Variants in ZC3H3 observed in about 807,000 individuals in gnomAD.
The protein encoded by ZC3H3 is zinc finger CCCH-type containing 3.
A neutral mutation model predicts 77.3 loss-of-function variants in ZC3H3; 36 were observed. The observed-to-expected ratio is 0.47, with a 90% confidence interval of 0.36 to 0.61. The LOEUF is 0.61. Ranked by LOEUF, ZC3H3 falls within the 20% of genes least tolerant of loss-of-function variation. The probability of loss-of-function intolerance (pLI) is 0.00; values close to 1 mark genes in which losing one functional copy is unlikely to be tolerated. For synonymous variants in ZC3H3, 626 were observed against 555.2 expected (o/e 1.13, Z -1.79); for missense variants, 1,331 against 1,312.2 (o/e 1.01, Z -0.22).
At chr8:143,443,974 C>CTT (rs11316822) in intron 9 of ZC3H3, among the ~76,000 whole-genome samples, 4 of 137,742 alleles carry the variant, frequency 2.9e-5, no homozygotes, top group African/African-American at 5.4e-5. Flanking sequence ...TCTTTTTTTC[C>CTT]TTTTTTTTTT....
chr8:143,531,254 C>T (rs143440508), intron 3 of ZC3H3, among the ~76,000 whole-genome samples: 1 of 152,304 alleles, frequency 6.6e-6, no homozygotes, highest in Non-Finnish European at 1.5e-5. Flanking sequence ...CCTCGGCACC[C>T]GGCCAGTGTC....
intron 9 of ZC3H3, among the ~76,000 whole-genome samples, chr8:143,441,456 C>T (rs1284296748): frequency 6.6e-6 from 1 of 152,196 alleles, no homozygotes; most frequent in Admixed American, 6.5e-5. Context: ...CTGCCAGACC[C>T]CAGCCAGCCC....
At chr8:143,527,485 C>T (rs1427336330) in intron 3 of ZC3H3, among the ~76,000 whole-genome samples, 1 of 152,140 alleles carries the variant, frequency 6.6e-6, no homozygotes, top group African/African-American at 2.4e-5. Context: ...GGCACACACG[C>T]GATCCCACGC....
At position 143,475,445 on chromosome 8, in the gene ZC3H3, G is replaced by A. The variant is rs1820706222; in HGVS notation, c.1856C>T (p.Thr619Ile). 1 of 1,613,238 alleles carries A rather than the reference G, an allele frequency of 6.2e-7. No homozygotes were observed. Among genetic ancestry groups the A allele is most frequent in the Non-Finnish European group, 8.5e-7 (1 of 1,179,958 alleles). ...YKVSANKLSKTSGQPSDAGSR... is the reference protein window; with the variant it reads ...YKVSANKLSKISGQPSDAGSR... ...GCCCGCATCACTGGGCTGGCCGGAG[G>A]TCTTGGAGAGCTTGTTGGCAGATAC... Residue 619 changes from threonine to isoleucine, a missense_variant, in exon 5 of 12, where the codon ACC (threonine) becomes ATC (isoleucine). Around this residue, in one of 3 missense-constraint regions of ZC3H3, gnomAD observed 978 missense variants for 915.5 expected, o/e 1.07. Coordinates refer to ENST00000262577, the MANE Select transcript of ZC3H3 (RefSeq NM_015117.3).
At chr8:143,440,416 C>T (rs1388907977) in intron 10 of ZC3H3, 53 bp from the exon 11 acceptor site, 4 of 1,487,346 alleles carry the variant, frequency 2.7e-6, no homozygotes, top group Admixed American at 2.3e-5. Context: ...GTGGGGATCC[C>T]AGCGACAGAC....
chr8:143,515,022 C>T (rs1023212756), intron 3 of ZC3H3, among the ~76,000 whole-genome samples: 1 of 152,252 alleles, frequency 6.6e-6, no homozygotes, highest in African/African-American at 2.4e-5. Context: ...ACACCCCTCC[C>T]GTGAATGCTG....
intron 3 of ZC3H3, among the ~76,000 whole-genome samples, chr8:143,509,080 GT>G (rs1821796811): frequency 1.3e-5 from 2 of 152,150 alleles, no homozygotes; most frequent in African/African-American, 2.4e-5. Flanking sequence ...TCCCTCAGGC[GT>G]TCCCCCAGCA....
intron 3 of ZC3H3, among the ~76,000 whole-genome samples, chr8:143,531,020 T>C (rs1309341107): frequency 6.8e-6 from 1 of 147,840 alleles, no homozygotes; most frequent in East Asian, 2.0e-4. Context: ...AGTGCAGTGG[T>C]GCGATCATGG....
rs548967426 is a variant in ZC3H3 at position 143,460,335 on chromosome 8, C to T, written c.2307+5382G>A. 6.6e-6 allele frequency among the ~76,000 whole-genome samples: 1 copy of T among 151,956 alleles called. No homozygotes were observed. Among genetic ancestry groups the T allele is most frequent in the Non-Finnish European group, 1.5e-5 (1 of 68,002 alleles). ...AGGAAGAAGTAAAATTATCTGTTTG[C>T]TGATGACATGATCTTATATGTAAGA... On this transcript the variant is annotated intron_variant, in intron 9 of 11. Transcript: ENST00000262577. The surrounding 1 kb of genome is among the most constrained non-coding windows in gnomAD (Gnocchi z 4.0).
At chr8:143,464,644 G>A (rs1222512888) in intron 9 of ZC3H3, among the ~76,000 whole-genome samples, 2 of 152,224 alleles carry the variant, frequency 1.3e-5, no homozygotes, top group African/African-American at 2.4e-5. Flanking sequence ...GTCCTTGCGG[G>A]TGGGCTGAGA....
chr8:143,518,625 C>A (rs1822139865), intron 3 of ZC3H3, among the ~76,000 whole-genome samples: 1 of 152,262 alleles, frequency 6.6e-6, no homozygotes, highest in South Asian at 2.1e-4. Flanking sequence ...GTCGTGGATG[C>A]CAGGCACCAG....
chr8:143,479,160 G>A (rs189663139), intron 4 of ZC3H3, among the ~76,000 whole-genome samples: 269 of 152,342 alleles, frequency 1.8e-3, no homozygotes, highest in Admixed American at 2.3e-3. Flanking sequence ...GCAGGTTGGC[G>A]GGGGTGACGG....
rs531525158 is a variant in ZC3H3 at position 143,472,743 on chromosome 8, C to T, written c.1903+2655G>A. 4.0e-3 allele frequency among the ~76,000 whole-genome samples: 613 copies of T among 152,352 alleles called. 2 individuals carry two copies. The highest frequency in any genetic ancestry group is 5.9e-3 in the Non-Finnish European group (399 of 68,026). On this transcript the variant is annotated intron_variant, in intron 5 of 11. Transcript: ENST00000262577. ...GAGGGCTGAGACGACCCAAGGGCCC[C>T]GGTGCGGGGAGACGGACCCATGCCA...
At chr8:143,442,164 A>G (rs930030360) in intron 9 of ZC3H3, among the ~76,000 whole-genome samples, 1 of 151,872 alleles carries the variant, frequency 6.6e-6, no homozygotes, top group Non-Finnish European at 1.5e-5. Flanking sequence ...ACCGGGCCCT[A>G]CACTGTACCC....
intron 4 of ZC3H3, among the ~76,000 whole-genome samples, chr8:143,483,486 C>T (rs769513280): frequency 3.9e-5 from 6 of 152,146 alleles, no homozygotes; most frequent in Non-Finnish European, 8.8e-5. Flanking sequence ...TCCTGAGTTC[C>T]GGAGGAGGAA....
chr8:143,531,654 C>T (rs373042446), intron 3 of ZC3H3, among the ~76,000 whole-genome samples: 1 of 152,332 alleles, frequency 6.6e-6, no homozygotes, highest in African/African-American at 2.4e-5. Flanking sequence ...CCTGTTTATG[C>T]CTCTCAAATT....
At chr8:143,481,480 C>T (rs1034143454) in intron 4 of ZC3H3, among the ~76,000 whole-genome samples, 1 of 152,152 alleles carries the variant, frequency 6.6e-6, no homozygotes, top group Non-Finnish European at 1.5e-5. Flanking sequence ...TGACCAGGGG[C>T]GGGAGAGGCG....
intron 3 of ZC3H3, among the ~76,000 whole-genome samples, chr8:143,532,099 T>C (rs1041288235): frequency 2.6e-5 from 4 of 152,278 alleles, no homozygotes; most frequent in African/African-American, 9.6e-5. Context: ...TTTGCAAGGA[T>C]AATTATGTAT....
In ZC3H3 at chr8:143,468,678, C is replaced by T. The variant is rs373289184; in HGVS notation, c.1904-19G>A. ...AGCCGGCCTGTGGGGGAGAGAGGCA[C>T]GGGTCATAGCAGGCCACAGCCTGGC... On this transcript the variant is annotated intron_variant, in intron 5 of 11. Coordinates refer to ENST00000262577, the MANE Select transcript of ZC3H3 (RefSeq NM_015117.3). 9.7e-6 allele frequency: 15 copies of T among 1,544,956 alleles called. No individual in the cohort carries two copies. The highest frequency in any genetic ancestry group is 4.0e-5 in the Admixed American group (2 of 49,582).
Sources: allele counts gnomAD v4.1 joint callset (sites outside exome capture counted in the v4.1 genomes callset), GRCh38; gene constraint gnomAD v4.1.1; regional missense constraint gnomAD v4.1.1; non-coding constraint Gnocchi (gnomAD v3.1); transcripts MANE v1.5; gene names NCBI Gene and HGNC (gene_info 2026-07-23, HGNC 2026-07-21).